NXPE2: variants seen among roughly 807,000 people sequenced by gnomAD.
NXPE2 encodes the protein NXPE family member 2.
A neutral mutation model predicts 34.4 loss-of-function variants in NXPE2; 34 were observed. The ratio of observed to expected loss-of-function variants is 0.99; its 90% CI spans 0.75 to 1.31. NXPE2 has a LOEUF of 1.31. Among genes scored for constraint, NXPE2 ranks in the 40% most tolerant of loss-of-function variants. The probability of loss-of-function intolerance (pLI) is 0.00; values close to 1 mark genes in which losing one functional copy is unlikely to be tolerated. For missense variants in NXPE2, 649 were observed against 672.5 expected (o/e 0.97, Z 0.39); for synonymous variants, 235 against 231.3 (o/e 1.02, Z -0.15).
the NXPE2 span, among the ~76,000 whole-genome samples, chr11:114,600,056 G>A: frequency 6.6e-6 from 1 of 152,284 alleles, no homozygotes; most frequent in East Asian, 1.9e-4. Flanking sequence ...TACAAAGTGA[G>A]CATTAGAACT....
intron 2 of NXPE2, among the ~76,000 whole-genome samples, chr11:114,680,421 C>T (rs1002353905): frequency 6.6e-6 from 1 of 152,054 alleles, no homozygotes; most frequent in Non-Finnish European, 1.5e-5. Flanking sequence ...AAACAAGAAG[C>T]ACCACAGTCT....
At chr11:114,517,345 C>T in the NXPE2 span, among the ~76,000 whole-genome samples, 216 of 152,298 alleles carry the variant, frequency 1.4e-3, no homozygotes, top group African/African-American at 4.6e-3. Flanking sequence ...ACCCAGAAAT[C>T]AGGAGGTGGA....
chr11:114,600,234 T>C, the NXPE2 span, among the ~76,000 whole-genome samples: 1 of 152,302 alleles, frequency 6.6e-6, no homozygotes, highest in South Asian at 2.1e-4. Flanking sequence ...ACCCAAGTGA[T>C]GATGGGTTAA....
At chr11:114,640,044 TTATAA>T in the NXPE2 span, among the ~76,000 whole-genome samples, 1 of 118,706 alleles carries the variant, frequency 8.4e-6, no homozygotes, top group South Asian at 2.5e-4. Context: ...TTATATTATT[TTATAA>T]TATATAATTT....
chr11:114,469,109 CTTTTTTTTTTT>C, the NXPE2 span, among the ~76,000 whole-genome samples: 3 of 88,864 alleles, frequency 3.4e-5, no homozygotes, highest in African/African-American at 1.5e-4. Context: ...ACAGTGCTAG[CTTTTTTTTTTT>C]TTTTTTTTTT....
intron 2 of NXPE2, among the ~76,000 whole-genome samples, chr11:114,694,509 T>C (rs1951212172): frequency 6.6e-6 from 1 of 152,214 alleles, no homozygotes; most frequent in Non-Finnish European, 1.5e-5. Context: ...AAAATTTCAG[T>C]CATTATTTCT....
chr11:114,619,145 C>T, the NXPE2 span, among the ~76,000 whole-genome samples: 20 of 151,878 alleles, frequency 1.3e-4, no homozygotes, highest in African/African-American at 4.8e-4. Context: ...CACTGTTACC[C>T]AGTGGGTAAT....
the NXPE2 span, among the ~76,000 whole-genome samples, chr11:114,656,382 T>G: frequency 6.6e-6 from 1 of 152,132 alleles, no homozygotes; most frequent in African/African-American, 2.4e-5. Context: ...TCAGTGCTAT[T>G]CCCATCAAAC....
the NXPE2 span, among the ~76,000 whole-genome samples, chr11:114,787,372 C>T: frequency 2.8e-3 from 433 of 152,174 alleles, 7 homozygotes; most frequent in East Asian, 4.5e-3. Flanking sequence ...TCCTCTGTGG[C>T]GTGGGGTGGG....
chr11:114,542,734 T>A, the NXPE2 span, among the ~76,000 whole-genome samples: 1 of 152,150 alleles, frequency 6.6e-6, no homozygotes, highest in African/African-American at 2.4e-5. Context: ...GAAGCAATAG[T>A]CATTTACCAA....
At chr11:114,776,831 A>G in the NXPE2 span, among the ~76,000 whole-genome samples, 6 of 152,184 alleles carry the variant, frequency 3.9e-5, no homozygotes, top group Non-Finnish European at 7.3e-5. Flanking sequence ...TTTGGTTCAG[A>G]GCATTGTTAG....
At chr11:114,757,038 T>C in the NXPE2 span, among the ~76,000 whole-genome samples, 1 of 152,192 alleles carries the variant, frequency 6.6e-6, no homozygotes, top group East Asian at 1.9e-4. Context: ...CACAGATCTC[T>C]TTCCAGCTGC....
the NXPE2 span, among the ~76,000 whole-genome samples, chr11:114,644,856 G>A: frequency 6.6e-6 from 1 of 151,910 alleles, no homozygotes; most frequent in African/African-American, 2.4e-5. Flanking sequence ...AGACAGTGTA[G>A]CATTTGCATA....
the NXPE2 span, among the ~76,000 whole-genome samples, chr11:114,781,219 T>A: frequency 6.6e-6 from 1 of 152,194 alleles, no homozygotes; most frequent in Non-Finnish European, 1.5e-5. Flanking sequence ...TAGCTTCCCC[T>A]ACCTCCTGAA....
the NXPE2 span, among the ~76,000 whole-genome samples, chr11:114,645,326 A>G: frequency 1.3e-5 from 2 of 152,208 alleles, no homozygotes; most frequent in African/African-American, 4.8e-5. Flanking sequence ...AAAATAAAAA[A>G]ACCCAGTCCC....
At chr11:114,776,470 C>T in the NXPE2 span, among the ~76,000 whole-genome samples, 3 of 152,188 alleles carry the variant, frequency 2.0e-5, no homozygotes, top group Admixed American at 6.5e-5. Flanking sequence ...ACCTCTGGCT[C>T]GAGGCAGTGC....
the NXPE2 span, among the ~76,000 whole-genome samples, chr11:114,516,826 C>G: frequency 1.3e-5 from 2 of 152,170 alleles, no homozygotes; most frequent in Non-Finnish European, 2.9e-5. Flanking sequence ...TTCTGCCTCT[C>G]TGAGCCCTAC....
At chr11:114,775,467 G>A in the NXPE2 span, among the ~76,000 whole-genome samples, 2 of 152,180 alleles carry the variant, frequency 1.3e-5, no homozygotes, top group African/African-American at 2.4e-5. Context: ...GGAGGATCTT[G>A]CATCTCCAAA....
the NXPE2 span, among the ~76,000 whole-genome samples, chr11:114,558,645 C>G: frequency 6.6e-6 from 1 of 152,134 alleles, no homozygotes; most frequent in African/African-American, 2.4e-5. Flanking sequence ...TTTTCTAAAG[C>G]TAAACAATCC....
Sources: allele counts gnomAD v4.1 joint callset (sites outside exome capture counted in the v4.1 genomes callset), GRCh38; gene constraint gnomAD v4.1.1; transcripts MANE v1.5; gene names NCBI Gene and HGNC (gene_info 2026-07-23, HGNC 2026-07-21).